The following BICDL1 variants were observed in gnomAD, a reference collection of about 807,000 sequenced individuals.
The protein encoded by BICDL1 is BICD family-like cargo adapter 1.
In BICDL1, 20 loss-of-function variants were observed where a neutral mutation model predicts 76.8. That is an observed-to-expected ratio of 0.26 (90% confidence interval 0.18 to 0.38). The LOEUF is 0.38. Ranked by LOEUF, BICDL1 falls within the 10% of genes least tolerant of loss-of-function variation. The pLI is 1.00. For missense variants in BICDL1, 700 were observed against 798.6 expected (o/e 0.88, Z 1.49); for synonymous variants, 383 against 337.1 (o/e 1.14, Z -1.49).
At chr12:120,004,425 A>G (rs867902046) in intron 2 of BICDL1, among the ~76,000 whole-genome samples, 34 of 152,334 alleles carry the variant, frequency 2.2e-4, no homozygotes, top group Middle Eastern at 6.8e-3. Flanking sequence ...TGAAGCCAAG[A>G]TGGGTTTCTA....
intron 2 of BICDL1, among the ~76,000 whole-genome samples, chr12:120,048,441 G>A (rs958590566): frequency 6.6e-6 from 1 of 152,006 alleles, no homozygotes; most frequent in Non-Finnish European, 1.5e-5. Flanking sequence ...TCTTTTTGTA[G>A]TTCATAAACA....
At position 120,093,864 on chromosome 12, in the gene BICDL1, G is replaced by GCCAGGCAGAGTGT. The variant is rs1875195447; in HGVS notation, c.*704_*716dup. On this transcript the variant is annotated 3_prime_UTR_variant, in exon 10 of 10. Transcript: ENST00000548673. Reference sequence around the variant, plus strand: ...AGTCTCTGCCCCTTAGCAGGGCCTGGCCAGGCAGAGTGTTATCACCAGTCA... The same window carrying GCCAGGCAGAGTGT: ...AGTCTCTGCCCCTTAGCAGGGCCTGGCCAGGCAGAGTGTCCAGGCAGAGTGTTATCACCAGTCA... 1 of 215,258 alleles carries GCCAGGCAGAGTGT rather than the reference G, an allele frequency of 4.6e-6. No homozygotes were observed. Among genetic ancestry groups the GCCAGGCAGAGTGT allele is most frequent in the African/African-American group, 2.3e-5 (1 of 43,186 alleles). 13.3% of individuals were successfully genotyped at this position (215,258 alleles called of 1,614,324 possible).
At chr12:120,014,448 CT>C (rs1952019247) in intron 2 of BICDL1, among the ~76,000 whole-genome samples, 1 of 152,164 alleles carries the variant, frequency 6.6e-6, no homozygotes, top group African/African-American at 2.4e-5. Context: ...AATCTCAGCA[CT>C]TTGGGAGGCT....
At chr12:120,084,001 C>CT (rs919909209) in intron 8 of BICDL1, among the ~76,000 whole-genome samples, 39 of 146,468 alleles carry the variant, frequency 2.7e-4, no homozygotes, top group South Asian at 1.3e-3. Flanking sequence ...CACTTTTATT[C>CT]TTTTTTTTTT....
chr12:120,070,513 T>G (rs1399844084), intron 4 of BICDL1, among the ~76,000 whole-genome samples: 1 of 152,192 alleles, frequency 6.6e-6, no homozygotes, highest in East Asian at 1.9e-4. Context: ...AGTTCATCTG[T>G]AAATAAAAAG....
At chr12:120,074,257 C>T (rs1276577973) in intron 6 of BICDL1, among the ~76,000 whole-genome samples, 186 bp from the exon 7 acceptor site, 1 of 151,972 alleles carries the variant, frequency 6.6e-6, no homozygotes, top group Non-Finnish European at 1.5e-5. Context: ...TTTGTCTCTT[C>T]CCTCCTCCTT....
chr12:120,043,851 G>A (rs959354061), intron 2 of BICDL1, among the ~76,000 whole-genome samples: 10 of 152,218 alleles, frequency 6.6e-5, no homozygotes, highest in African/African-American at 1.9e-4. Flanking sequence ...TATTAGGGAA[G>A]CAAAGATAAA....
At chr12:120,077,031 C>T (rs1174959971) in intron 7 of BICDL1, among the ~76,000 whole-genome samples, 1 of 152,212 alleles carries the variant, frequency 6.6e-6, no homozygotes, top group Non-Finnish European at 1.5e-5. Flanking sequence ...AAGGCCCAGA[C>T]ATGGTTAGGT....
At position 120,072,720 on chromosome 12, in the gene BICDL1, G is replaced by A. The variant is rs1361187107; in HGVS notation, c.1299G>A (p.Met433Ile). The A allele has an allele frequency of 3.7e-6, 6 of 1,612,064 alleles. No homozygotes were observed. Among genetic ancestry groups the A allele is most frequent in the Non-Finnish European group, 5.1e-6 (6 of 1,179,708 alleles). The change falls in exon 6 of 10, where the codon ATG becomes ATA. Residue 433 changes from methionine (M) to isoleucine (I), a missense_variant. Met to Ile is a conservative substitution (Grantham distance 10). Around this residue, in one of 3 missense-constraint regions of BICDL1, gnomAD observed 455 missense variants for 548.7 expected, o/e 0.83. Coordinates refer to ENST00000548673, the MANE Select transcript of BICDL1 (RefSeq NM_001367886.1). Reference protein sequence around the residue: ...KRLIQSIVDGMEPTGSRRLDD... With the variant: ...KRLIQSIVDGIEPTGSRRLDD... ...TGATACAGAGCATTGTGGATGGCAT[G>A]GAGCCCACGGTAAGAGGCCAGTCTG... is the stretch of plus-strand genomic sequence containing the variant.
At chr12:120,020,824 G>A (rs1952163966) in intron 2 of BICDL1, among the ~76,000 whole-genome samples, 1 of 152,182 alleles carries the variant, frequency 6.6e-6, no homozygotes, top group South Asian at 2.1e-4. Context: ...ATGAATGGTG[G>A]GGACAACCAG....
At chr12:120,003,413 A>G (rs1206737539) in intron 2 of BICDL1, among the ~76,000 whole-genome samples, 1 of 152,222 alleles carries the variant, frequency 6.6e-6, no homozygotes, top group African/African-American at 2.4e-5. Flanking sequence ...ATGATTATCT[A>G]AAATACCCAA....
At position 120,093,444 on chromosome 12, in the gene BICDL1, AG is replaced by A. The variant is rs923512906; in HGVS notation, c.*284del. On this transcript the variant is annotated 3_prime_UTR_variant, in exon 10 of 10. Coordinates refer to ENST00000548673, the MANE Select transcript of BICDL1 (RefSeq NM_001367886.1). ...CTTGAGCAGGGTTAGGCCACCTCCC[AG>A]AGGGGCCCCTTGGTGTTGGGCTTTG... 8 of 432,436 alleles carry A rather than the reference AG, an allele frequency of 1.8e-5. No homozygotes were observed. The highest frequency in any genetic ancestry group is 1.0e-4 in the African/African-American group (5 of 48,768). The allele number at this position is 432,436 out of a possible 1,614,324, so 26.8% of individuals were successfully genotyped here.
intron 2 of BICDL1, chr12:120,057,178 A>G: frequency 2.0e-6 from 1 of 503,120 alleles, no homozygotes; most frequent in Non-Finnish European, 4.0e-6. Context: ...GACAAGTACT[A>G]CTAGGACTTG....
At chr12:120,061,213 C>T (rs1237584776) in intron 2 of BICDL1, among the ~76,000 whole-genome samples, 1 of 152,140 alleles carries the variant, frequency 6.6e-6, no homozygotes, top group Non-Finnish European at 1.5e-5. Context: ...GGCAAAAAAT[C>T]TTAACAGGTA....
At chr12:120,092,927 A>C (rs1594230067) in intron 9 of BICDL1, 73 bp from the exon 10 acceptor site, 1 of 1,485,364 alleles carries the variant, frequency 6.7e-7, no homozygotes, top group African/African-American at 1.4e-5. Flanking sequence ...TGATGTTCCC[A>C]CCTCCCTGTC....
At chr12:120,048,003 G>A (rs948263001) in intron 2 of BICDL1, among the ~76,000 whole-genome samples, 1 of 151,904 alleles carries the variant, frequency 6.6e-6, no homozygotes, top group African/African-American at 2.4e-5. Flanking sequence ...AAAAAAACAA[G>A]CAAATGACTC....
intron 2 of BICDL1, among the ~76,000 whole-genome samples, chr12:120,036,949 A>G (rs1442063482): frequency 1.3e-5 from 2 of 152,196 alleles, no homozygotes; most frequent in Non-Finnish European, 1.5e-5. Flanking sequence ...CCAAAATCAA[A>G]TCTATGATGA....
intron 3 of BICDL1, among the ~76,000 whole-genome samples, chr12:120,062,921 G>A (rs986026471): frequency 1.3e-5 from 2 of 152,060 alleles, no homozygotes; most frequent in African/African-American, 2.4e-5. Flanking sequence ...CTCATGAACC[G>A]GGTCGTCCCC....
chr12:120,053,560 C>T (rs1444608545), intron 2 of BICDL1, among the ~76,000 whole-genome samples: 4 of 152,188 alleles, frequency 2.6e-5, no homozygotes, highest in Non-Finnish European at 4.4e-5. Flanking sequence ...GGAGCTCCTT[C>T]AGATTGACTC....
Sources: allele counts gnomAD v4.1 joint callset (sites outside exome capture counted in the v4.1 genomes callset), GRCh38; gene constraint gnomAD v4.1.1; regional missense constraint gnomAD v4.1.1; transcripts MANE v1.5; gene names NCBI Gene and HGNC (gene_info 2026-07-23, HGNC 2026-07-21).